The following HS3ST6 variants were observed in gnomAD, a reference collection of about 807,000 sequenced individuals.
HS3ST6 encodes the protein heparan sulfate-glucosamine 3-sulfotransferase 6.
HS3ST6 carries 13 observed loss-of-function variants against 11.0 expected under a neutral mutation model. The ratio of observed to expected loss-of-function variants is 1.18; its 90% CI spans 0.77 to 1.88. The LOEUF (loss-of-function observed/expected upper bound fraction) is 1.88, where lower values mean the gene tolerates loss of function less well. Among genes scored for constraint, HS3ST6 ranks in the 40% most tolerant of loss-of-function variants. The pLI is 0.00. For synonymous variants in HS3ST6, 232 were observed against 230.6 expected (o/e 1.01, Z -0.06); for missense variants, 541 against 494.4 (o/e 1.09, Z -0.89).
chr16:1,917,195 A>C (rs889521680), intron 1 of HS3ST6, among the ~76,000 whole-genome samples: 1 of 152,100 alleles, frequency 6.6e-6, no homozygotes, highest in African/African-American at 2.4e-5. Flanking sequence ...TGACTCCCCA[A>C]CTGGCCTTGG....
rs1428902371 is a variant in HS3ST6, at chr16:1,911,765, C to A, written c.854G>T (p.Gly285Val). ...DKHFYFNATK[G>V]FPCLKKAQGG... ...CTGGGCCTTCTTGAGGCAGGGGAAGCCCTTGGTGGCGTTGAAGTAGAAGTG... is the reference window on the plus strand; with the variant it reads ...CTGGGCCTTCTTGAGGCAGGGGAAGACCTTGGTGGCGTTGAAGTAGAAGTG... The change falls in exon 2 of 2, where the codon GGC (glycine) becomes GTC (valine). Residue 285 changes from glycine (G) to valine (V), a missense_variant. Physicochemically the swap from Gly to Val is moderately radical, Grantham distance 109. Transcript: ENST00000454677. 55 of 1,613,654 alleles carry A rather than the reference C, an allele frequency of 3.4e-5. No homozygotes were observed. The highest frequency in any genetic ancestry group is 4.1e-5 in the Non-Finnish European group (48 of 1,179,816).
In HS3ST6 at chr16:1,912,648, G is replaced by A. The variant is rs1019958145; in HGVS notation, c.414-443C>T. ...AGACCAAGTACCCCGAGGCCCGCCC[G>A]CCTAGATCACTTGAGGTCACCCGTT... On this transcript the variant is annotated intron_variant, in intron 1 of 1. Coordinates refer to ENST00000454677, the MANE Select transcript of HS3ST6 (RefSeq NM_001009606.4). The surrounding 1 kb of genome is among the most constrained non-coding windows in gnomAD (Gnocchi z 5.6). Among the ~76,000 whole-genome samples the A allele has an allele frequency of 5.9e-5, 9 of 151,988 alleles. No homozygotes were observed. In the South Asian group the frequency reaches 8.4e-4, roughly 14 times the overall value.
chr16:1,920,370 T>TCAGCC (rs2082957193), upstream of HS3ST6, among the ~76,000 whole-genome samples: 1 of 41,300 alleles, frequency 2.4e-5, no homozygotes, highest in African/African-American at 9.8e-5. Flanking sequence ...CGGTCTCAGC[T>TCAGCC]GTTCCCACGG....
chr16:1,911,571 AG>A lies in HS3ST6; in HGVS notation c.*18del. On this transcript the variant is annotated 3_prime_UTR_variant, in exon 2 of 2. Coordinates refer to ENST00000454677, the MANE Select transcript of HS3ST6 (RefSeq NM_001009606.4). Reference sequence around the variant, plus strand: ...CGAGCGGGTGTCAATCAAGGTGCTGAGCATCCCCAGGGTGCCGCTCAGCCCC... The same window carrying A: ...CGAGCGGGTGTCAATCAAGGTGCTGACATCCCCAGGGTGCCGCTCAGCCCC... 1 of 1,573,490 alleles carries A rather than the reference AG, an allele frequency of 6.4e-7. No individual in the cohort carries two copies. Among genetic ancestry groups the A allele is most frequent in the Non-Finnish European group, 8.6e-7 (1 of 1,160,314 alleles).
chr16:1,914,107 G>C (rs1452546278), intron 1 of HS3ST6, among the ~76,000 whole-genome samples: 1 of 152,136 alleles, frequency 6.6e-6, no homozygotes, highest in East Asian at 1.9e-4. Flanking sequence ...GGAGGGGCAG[G>C]GGTGCTGGGG....
chr16:1,913,723 GC>G (rs1454333413), intron 1 of HS3ST6, among the ~76,000 whole-genome samples: 1 of 152,142 alleles, frequency 6.6e-6, no homozygotes, highest in Non-Finnish European at 1.5e-5. Context: ...AGGAGTGACC[GC>G]CCCAGACTTG....
At position 1,911,777 on chromosome 16, in the gene HS3ST6, T is replaced by C. The variant is rs779606612; in HGVS notation, c.842A>G (p.Asn281Ser). The change falls in exon 2 of 2, where the codon AAC becomes AGC. Residue 281 changes from asparagine to serine, a missense_variant. Physicochemically the swap from Asn to Ser is conservative, Grantham distance 46. Coordinates refer to ENST00000454677, the MANE Select transcript of HS3ST6 (RefSeq NM_001009606.4). The part of the protein sequence containing the change: ...RVVTDKHFYF[N>S]ATKGFPCLKK... Reference sequence around the variant, plus strand: ...GAGGCAGGGGAAGCCCTTGGTGGCGTTGAAGTAGAAGTGCTTGTCCGTGAC... The same window carrying C: ...GAGGCAGGGGAAGCCCTTGGTGGCGCTGAAGTAGAAGTGCTTGTCCGTGAC... 6 of 1,613,752 alleles carry C rather than the reference T, an allele frequency of 3.7e-6. No homozygotes were observed. The highest frequency in any genetic ancestry group is 3.3e-5 in the Admixed American group (2 of 60,014).
intron 1 of HS3ST6, among the ~76,000 whole-genome samples, chr16:1,913,322 G>A (rs1240391399): frequency 6.6e-6 from 1 of 152,186 alleles, no homozygotes; most frequent in African/African-American, 2.4e-5. Context: ...TCCTCATTCT[G>A]ACACAGGAGA....
upstream of HS3ST6, among the ~76,000 whole-genome samples, chr16:1,920,592 G>C (rs186977944): frequency 7.9e-5 from 12 of 152,312 alleles, no homozygotes; most frequent in East Asian, 2.3e-3. Context: ...CCGTCTCTCT[G>C]CTGGATGCTT....
intron 1 of HS3ST6, among the ~76,000 whole-genome samples, chr16:1,914,330 G>A (rs764936172): frequency 3.9e-5 from 6 of 152,128 alleles, no homozygotes; most frequent in Admixed American, 2.6e-4. Flanking sequence ...GGCAGCTCAG[G>A]GGCACCCCCG....
intron 1 of HS3ST6, among the ~76,000 whole-genome samples, chr16:1,914,813 A>G (rs2082915691): frequency 6.6e-6 from 1 of 152,202 alleles, no homozygotes; most frequent in Non-Finnish European, 1.5e-5. Context: ...GATCTTTGGG[A>G]TCAATTACTT....
chr16:1,920,726 G>A (rs1422755297), upstream of HS3ST6, among the ~76,000 whole-genome samples: 1 of 152,144 alleles, frequency 6.6e-6, no homozygotes, highest in Non-Finnish European at 1.5e-5. Context: ...GAGTCGGCTC[G>A]GAGGGTTCTC....
chr16:1,920,776 C>G (rs919377243), upstream of HS3ST6, among the ~76,000 whole-genome samples: 1 of 152,168 alleles, frequency 6.6e-6, no homozygotes, highest in Non-Finnish European at 1.5e-5. Context: ...ACTCGGCTGA[C>G]GGTGGCTACA....
In HS3ST6 at chr16:1,918,128, C is replaced by G; in HGVS notation, c.196G>C (p.Glu66Gln). Reference protein sequence around the residue: ...RAPAPAPAPSEPSSSVHRPGA... With the variant: ...RAPAPAPAPSQPSSSVHRPGA... ...GGGCGGTGGACGGAGCTGGACGGCT[C>G]GGAGGGCGCGGGGGCCGGCGCGGGG... Residue 66 changes from glutamate (E) to glutamine (Q), a missense_variant, in exon 1 of 2, where the codon GAG becomes CAG. Coordinates refer to ENST00000454677, the MANE Select transcript of HS3ST6 (RefSeq NM_001009606.4). This position sits in a 1 kb window ranked among gnomAD's most constrained non-coding sequence, Gnocchi z 6.0. 1 of 1,223,492 alleles carries G rather than the reference C, an allele frequency of 8.2e-7. No individual in the cohort carries two copies. The highest frequency in any genetic ancestry group is 1.0e-6 in the Non-Finnish European group (1 of 983,094). 75.8% of individuals were successfully genotyped at this position (1,223,492 alleles called of 1,614,324 possible).
Position 1,912,159 on chromosome 16 carries a change from T to C in HS3ST6, c.460A>G (p.Thr154Ala). The C allele has an allele frequency of 6.7e-7, 1 of 1,483,374 alleles. No individual in the cohort carries two copies. The highest frequency in any genetic ancestry group is 8.9e-7 in the Non-Finnish European group (1 of 1,118,266). The allele number at this position is 1,483,374 out of a possible 1,614,324, so 91.9% of individuals were successfully genotyped here. Residue 154 changes from threonine to alanine, a missense_variant, in exon 2 of 2, where the codon ACC (threonine) becomes GCC (alanine). Coordinates refer to ENST00000454677, the MANE Select transcript of HS3ST6 (RefSeq NM_001009606.4). This position sits in a 1 kb window ranked among gnomAD's most constrained non-coding sequence, Gnocchi z 5.6. ...TCTCGCGTCACGAAGTAGCTGGGGGTCTTCTCCATGGTGATCTGCCCATCC... is the reference window on the plus strand; with the variant it reads ...TCTCGCGTCACGAAGTAGCTGGGGGCCTTCTCCATGGTGATCTGCCCATCC... ...TLDGQITMEK[T>A]PSYFVTREAP...
At chr16:1,915,609 G>C (rs1477094994) in intron 1 of HS3ST6, among the ~76,000 whole-genome samples, 2 of 152,182 alleles carry the variant, frequency 1.3e-5, no homozygotes, top group African/African-American at 4.8e-5. Context: ...GATGGTCAAA[G>C]TACAGCCCCC....
At chr16:1,920,164 ACGGTCT>A, upstream of HS3ST6, among the ~76,000 whole-genome samples, 2 of 114,460 alleles carry the variant, frequency 1.7e-5, no homozygotes, top group African/African-American at 3.4e-5. Context: ...AGGAGTCCCC[ACGGTCT>A]CAGCCGTCCC....
chr16:1,917,137 G>A (rs990637686), intron 1 of HS3ST6, among the ~76,000 whole-genome samples: 20 of 152,316 alleles, frequency 1.3e-4, no homozygotes, highest in African/African-American at 4.8e-4. Context: ...GATCGGGAAC[G>A]GAGAAACTGG....
In HS3ST6 at chr16:1,912,103, C is replaced by A; in HGVS notation, c.516G>T (p.Pro172=). 1 of 1,505,846 alleles carries A rather than the reference C, an allele frequency of 6.6e-7. No individual in the cohort carries two copies. Among genetic ancestry groups the A allele is most frequent in the Non-Finnish European group, 8.9e-7 (1 of 1,129,436 alleles). The allele number at this position is 1,505,846 out of a possible 1,614,324, so 93.3% of individuals were successfully genotyped here. A position where few individuals can be genotyped will look rare whatever the true frequency, so the allele number is the denominator to read the frequency against. The change falls in exon 2 of 2, where the codon CCG becomes CCT. Residue 172 remains proline (P), a synonymous_variant. Coordinates refer to ENST00000454677, the MANE Select transcript of HS3ST6 (RefSeq NM_001009606.4). This position sits in a 1 kb window ranked among gnomAD's most constrained non-coding sequence, Gnocchi z 5.6. The part of the protein sequence containing the change: ...EAPRRIHAMS[P]DTKLIVVVRN... ...GCACCACCACGATCAGCTTCGTGTC[C>A]GGGGACATGGCGTGGATGCGGCGGG... is the stretch of plus-strand genomic sequence containing the variant.
Sources: gnomAD v4.1 joint callset for allele counts (sites outside exome capture counted in the v4.1 genomes callset) on GRCh38, gnomAD v4.1.1 for gene constraint, Gnocchi (gnomAD v3.1) non-coding constraint, MANE v1.5 for transcripts, NCBI Gene and HGNC (gene_info 2026-07-23, HGNC 2026-07-21) for gene names.